KIAA1328: variants seen among roughly 807,000 people sequenced by gnomAD.
The protein encoded by KIAA1328 is protein hinderin.
A neutral mutation model predicts 68.1 loss-of-function variants in KIAA1328; 52 were observed. The ratio of observed to expected loss-of-function variants is 0.76; its 90% CI spans 0.61 to 0.96. The LOEUF (loss-of-function observed/expected upper bound fraction) is 0.96. Among genes scored for constraint, KIAA1328 ranks in the 40% least tolerant of loss-of-function variants. KIAA1328 has a pLI of 0.00. For synonymous variants in KIAA1328, 232 were observed against 239.4 expected (o/e 0.97, Z 0.28); for missense variants, 641 against 677.6 (o/e 0.95, Z 0.60).
At position 36,841,913 on chromosome 18, in the gene KIAA1328, A is replaced by C. The variant is rs1446208665; in HGVS notation, c.238-2295A>C. ...TTGCTTTTTATTTCATATTATGTTTATGAGATTTCTTGTTTTTTTTTCCCT... is the reference window on the plus strand; with the variant it reads ...TTGCTTTTTATTTCATATTATGTTTCTGAGATTTCTTGTTTTTTTTTCCCT... On this transcript the variant is annotated intron_variant, in intron 3 of 9. Transcript: ENST00000280020. Among the ~76,000 whole-genome samples the C allele has an allele frequency of 4.6e-5, 7 of 151,760 alleles. No homozygotes were observed. In the East Asian group the frequency reaches 1.4e-3, roughly 29 times the overall value.
chr18:37,209,675 A>AG (rs375792466), intron 9 of KIAA1328, among the ~76,000 whole-genome samples: 212 of 152,296 alleles, frequency 1.4e-3, no homozygotes, highest in African/African-American at 4.9e-3. Flanking sequence ...ACACATGCAA[A>AG]GGCCTAGAGG....
chr18:36,829,147 C>A lies in KIAA1328; in HGVS notation c.9C>A (p.Asp3Glu). 1.3e-6 allele frequency: 2 copies of A among 1,533,914 alleles called. No individual in the cohort carries two copies. Among genetic ancestry groups the A allele is most frequent in the Non-Finnish European group, 1.8e-6 (2 of 1,142,262 alleles). MA[D>E]VAGPSRPSAA... ...GTGGCGGTTGTTTCAAGATGGCGGA[C>A]GTGGCGGGCCCCTCCCGCCCCAGTG... is the stretch of plus-strand genomic sequence containing the variant. The change falls in exon 1 of 10, where the codon GAC (aspartate) becomes GAA (glutamate). Residue 3 changes from aspartate to glutamate, a missense_variant. By Grantham distance (45) the Asp-to-Glu change is conservative. Coordinates refer to ENST00000280020, the MANE Select transcript of KIAA1328 (RefSeq NM_020776.3).
Position 37,195,240 on chromosome 18 carries a change from C to T in KIAA1328, c.1523+22159C>T, listed in dbSNP as rs539637595. On this transcript the variant is annotated intron_variant, in intron 9 of 9. Transcript: ENST00000280020. ...ATTTTGTATCAATTAATAAACTTCT[C>T]TTCATCCTACTCCACCCTCTTCCCT... is the stretch of plus-strand genomic sequence containing the variant. Among the ~76,000 whole-genome samples, 8 of 152,282 alleles carry T rather than the reference C, an allele frequency of 5.3e-5. No homozygotes were observed. The East Asian group carries it at 1.4e-3, about 26-fold the overall frequency.
At chr18:36,833,482 A>C (rs2046567234) in intron 1 of KIAA1328, 1 of 152,242 alleles carries the variant, frequency 6.6e-6, no homozygotes, top group Admixed American at 6.5e-5. Flanking sequence ...AACAAGTTAC[A>C]GGGATCAGAT....
chr18:37,036,392 C>T (rs561430854), intron 6 of KIAA1328, among the ~76,000 whole-genome samples: 1 of 152,294 alleles, frequency 6.6e-6, no homozygotes, highest in South Asian at 2.1e-4. Flanking sequence ...GCTACTAAGC[C>T]TGATATAGAC....
chr18:37,094,766 C>A (rs987970501), intron 7 of KIAA1328, among the ~76,000 whole-genome samples: 1 of 152,042 alleles, frequency 6.6e-6, no homozygotes, highest in African/African-American at 2.4e-5. Flanking sequence ...TTAAATTCCT[C>A]AATAAGATAT....
intron 4 of KIAA1328, among the ~76,000 whole-genome samples, chr18:36,845,878 A>G (rs1465374628): frequency 6.6e-6 from 1 of 151,624 alleles, no homozygotes; most frequent in African/African-American, 2.4e-5. Flanking sequence ...ATAACCCTCT[A>G]CTTCCTACAA....
rs184650069 is a variant in KIAA1328 at position 37,072,585 on chromosome 18, C to T, written c.1232+5040C>T. Reference sequence around the variant, plus strand: ...ATTTTTTTCTAATACTTTTTGAACCCCATGCCCTCTTCTGGCTAGCTAATG... The same window carrying T: ...ATTTTTTTCTAATACTTTTTGAACCTCATGCCCTCTTCTGGCTAGCTAATG... On this transcript the variant is annotated intron_variant, in intron 7 of 9. Coordinates refer to ENST00000280020, the MANE Select transcript of KIAA1328 (RefSeq NM_020776.3). Among the ~76,000 whole-genome samples, 12 of 152,108 alleles carry T rather than the reference C, an allele frequency of 7.9e-5. No individual in the cohort carries two copies. The East Asian group carries it at 2.3e-3, about 29-fold the overall frequency.
At chr18:37,027,593 A>G (rs1371376820) in intron 6 of KIAA1328, among the ~76,000 whole-genome samples, 1 of 152,214 alleles carries the variant, frequency 6.6e-6, no homozygotes, top group East Asian at 1.9e-4. Context: ...TCTTTGACAA[A>G]CCTGACAAAA....
chr18:36,901,939 T>C (rs1288146347), intron 5 of KIAA1328: 1 of 152,050 alleles, frequency 6.6e-6, no homozygotes, highest in Non-Finnish European at 1.5e-5. Context: ...GAAACTACTA[T>C]AGAGGTGGAG....
At position 36,976,175 on chromosome 18, in the gene KIAA1328, C is replaced by T. The variant is rs528999310; in HGVS notation, c.576+16740C>T. ...ATATGACTGATGAGACTGAGGAGAA[C>T]TGAATTTTGTTTAATATTAATAGAC... On this transcript the variant is annotated intron_variant, in intron 6 of 9. Transcript: ENST00000280020. Among the ~76,000 whole-genome samples, 3 of 152,210 alleles carry T rather than the reference C, an allele frequency of 2.0e-5. No individual in the cohort carries two copies. In the South Asian group the frequency reaches 6.2e-4, roughly 32 times the overall value.
chr18:37,069,526 C>A (rs918748501), intron 7 of KIAA1328, among the ~76,000 whole-genome samples: 1 of 152,136 alleles, frequency 6.6e-6, no homozygotes, highest in African/African-American at 2.4e-5. Context: ...ATGCAGGCCT[C>A]ATAAAATGAG....
chr18:37,175,581 C>T (rs16968601), intron 9 of KIAA1328, among the ~76,000 whole-genome samples: 22,050 of 151,408 alleles, frequency 0.15, 1,689 homozygotes, highest in African/African-American at 0.17. Context: ...GTCTCTTACA[C>T]GAATTGCAGA....
At chr18:37,022,950 C>A (rs143433779) in intron 6 of KIAA1328, among the ~76,000 whole-genome samples, 1 of 152,318 alleles carries the variant, frequency 6.6e-6, no homozygotes, top group African/African-American at 2.4e-5. Flanking sequence ...AAGTCTCTTA[C>A]AGTAAATAAG....
At chr18:37,168,271 T>C (rs1183140190) in intron 8 of KIAA1328, among the ~76,000 whole-genome samples, 1 of 152,238 alleles carries the variant, frequency 6.6e-6, no homozygotes, top group African/African-American at 2.4e-5. Flanking sequence ...AAAGTTGTTA[T>C]AGGACAGAAC....
intron 6 of KIAA1328, among the ~76,000 whole-genome samples, chr18:37,013,773 C>T (rs528833086): frequency 1.4e-3 from 220 of 152,222 alleles, no homozygotes; most frequent in South Asian, 3.1e-3. Context: ...GATTCCATGT[C>T]TTTGCTATTA....
intron 5 of KIAA1328, among the ~76,000 whole-genome samples, chr18:36,906,166 T>C (rs940052926): frequency 1.3e-5 from 2 of 152,192 alleles, no homozygotes; most frequent in African/African-American, 4.8e-5. Flanking sequence ...TAGTAGTTTG[T>C]ATTCCACCTT....
chr18:37,096,863 A>G (rs1484745247), intron 7 of KIAA1328, among the ~76,000 whole-genome samples: 1 of 152,156 alleles, frequency 6.6e-6, no homozygotes, highest in Non-Finnish European at 1.5e-5. Context: ...TTGGCTGCAT[A>G]AATGTCTTCT....
chr18:37,216,235 GT>G (rs1000723488), intron 9 of KIAA1328, among the ~76,000 whole-genome samples: 2 of 152,144 alleles, frequency 1.3e-5, no homozygotes, highest in Non-Finnish European at 2.9e-5. Context: ...TAATTGTGAT[GT>G]TAGGGTGTTG....
Sources: gnomAD v4.1 joint callset for allele counts (sites outside exome capture counted in the v4.1 genomes callset) on GRCh38, gnomAD v4.1.1 for gene constraint, MANE v1.5 for transcripts, NCBI Gene and HGNC (gene_info 2026-07-23, HGNC 2026-07-21) for gene names.